Variants in ANKRD28 observed in about 807,000 individuals in gnomAD.
ANKRD28 encodes the protein ankyrin repeat domain 28, also known as serine/threonine-protein phosphatase 6 regulatory ankyrin repeat subunit A.
In ANKRD28, 44 loss-of-function variants were observed where a neutral mutation model predicts 126.5. The observed-to-expected ratio is 0.35, with a 90% CI of 0.27 to 0.45. The LOEUF is 0.45. ANKRD28 is among the 20% of genes least tolerant of loss of function. ANKRD28 has a pLI of 1.00. For synonymous variants in ANKRD28, 442 were observed against 468.5 expected, an observed-to-expected ratio of 0.94 and a Z score of 0.73; for missense variants, 1,110 against 1,316.6, an observed-to-expected ratio of 0.84 and a Z score of 2.43.
At chr3:15,764,282 G>A (rs1362684199) in intron 3 of ANKRD28, among the ~76,000 whole-genome samples, 1 of 152,096 alleles carries the variant, frequency 6.6e-6, no homozygotes, top group Non-Finnish European at 1.5e-5. Flanking sequence ...CAAGTATCAT[G>A]GTTAATTTTA....
intron 1 of ANKRD28, among the ~76,000 whole-genome samples, chr3:15,810,771 C>T (rs2060695966): frequency 6.6e-6 from 1 of 150,504 alleles, no homozygotes; most frequent in Admixed American, 6.6e-5. Flanking sequence ...AAAATCACAA[C>T]TTTATAGGTA....
At position 15,797,841 on chromosome 3, in the gene ANKRD28, T is replaced by C. The variant is rs2060347124; in HGVS notation, c.-1320A>G. ...CCACTGACATCCCCAAATGAGTAGGTCCTTAAAAAATATCTATAGAACCTC... is the reference window on the plus strand; with the variant it reads ...CCACTGACATCCCCAAATGAGTAGGCCCTTAAAAAATATCTATAGAACCTC... On this transcript the variant is annotated 5_prime_UTR_variant, in exon 1 of 28. Transcript: ENST00000683139. The C allele has an allele frequency of 1.0e-6, 1 of 985,260 alleles. No homozygotes were observed. The highest frequency in any genetic ancestry group is 4.7e-5 in the South Asian group (1 of 21,292). 61.0% of individuals were successfully genotyped at this position (985,260 alleles called of 1,614,324 possible). A position where few individuals can be genotyped will look rare whatever the true frequency, so the allele number is the denominator to read the frequency against.
rs1414075759 is a variant in ANKRD28, at chr3:15,767,381, ATAGT to A, written c.202-1073_202-1070del. 2.0e-5 allele frequency among the ~76,000 whole-genome samples: 3 copies of A among 152,262 alleles called. No homozygotes were observed. The South Asian group carries it at 6.2e-4, about 32-fold the overall frequency. On this transcript the variant is annotated intron_variant, in intron 2 of 27. Coordinates refer to ENST00000683139, the MANE Select transcript of ANKRD28 (RefSeq NM_001349278.2). ...TTTTTGATAAAGGCTTTTGTGACAG[ATAGT>A]TAGTTGTTTTCCACTATGTTCTTCC...
At chr3:15,859,313 C>T (rs2061853039) in intron 1 of ANKRD28, 1 of 1,510,350 alleles carries the variant, frequency 6.6e-7, no homozygotes, top group East Asian at 2.7e-5. Context: ...GCCCACACCG[C>T]CGGTCCGCCC....
At chr3:15,775,743 C>A (rs2059232976) in intron 2 of ANKRD28, among the ~76,000 whole-genome samples, 1 of 152,194 alleles carries the variant, frequency 6.6e-6, no homozygotes, top group South Asian at 2.1e-4. Flanking sequence ...CGTGCAACTT[C>A]CATTCCCTCT....
intron 5 of ANKRD28, among the ~76,000 whole-genome samples, chr3:15,736,680 T>C (rs1316093522): frequency 6.6e-6 from 1 of 152,244 alleles, no homozygotes; most frequent in Non-Finnish European, 1.5e-5. Flanking sequence ...GTTAATAAAC[T>C]ACTAAAAAGC....
intron 4 of ANKRD28, among the ~76,000 whole-genome samples, chr3:15,750,045 T>G (rs1424255578): frequency 2.6e-5 from 4 of 152,270 alleles, no homozygotes; most frequent in African/African-American, 9.6e-5. Context: ...AAATTCAGGC[T>G]GAGCACATAG....
chr3:15,674,397 A>G (rs970262744), intron 27 of ANKRD28, among the ~76,000 whole-genome samples: 13 of 41,972 alleles, frequency 3.1e-4, no homozygotes, highest in African/African-American at 9.6e-4. Flanking sequence ...GCCCTGAGCC[A>G]CTGTTAAGAA....
intron 4 of ANKRD28, among the ~76,000 whole-genome samples, chr3:15,749,553 G>C (rs183606481): frequency 6.6e-6 from 1 of 152,156 alleles, no homozygotes; most frequent in Admixed American, 6.5e-5. Context: ...GGTATATTTT[G>C]GGGGTGTTAA....
intron 1 of ANKRD28, among the ~76,000 whole-genome samples, chr3:15,807,519 T>G (rs1225446806): frequency 6.6e-6 from 1 of 152,202 alleles, no homozygotes; most frequent in Admixed American, 6.5e-5. Context: ...AAATACACCT[T>G]AATTTTGACC....
rs140097067 is a variant in ANKRD28 at position 15,820,128 on chromosome 3, C to G, written c.28-24822G>C. On this transcript the variant is annotated intron_variant, in intron 1 of 27. Transcript: ENST00000399451. ...GAAACATGATGAATCAAGTTGACAACATTTGTACAGACTGGTATTATCACT... is the reference window on the plus strand; with the variant it reads ...GAAACATGATGAATCAAGTTGACAAGATTTGTACAGACTGGTATTATCACT... 2.7e-3 allele frequency among the ~76,000 whole-genome samples: 408 copies of G among 152,270 alleles called. 6 individuals carry two copies. Among genetic ancestry groups the G allele is most frequent in the East Asian group, 0.021 (107 of 5,184 alleles).
exon 1 of ANKRD28, chr3:15,859,434 C>T: frequency 1.3e-6 from 2 of 1,512,832 alleles, no homozygotes; most frequent in Non-Finnish European, 8.8e-7. Context: ...CTCCAGCCTC[C>T]TCCTCCTCCG....
At chr3:15,698,647 C>T (rs1158842680) in intron 14 of ANKRD28, among the ~76,000 whole-genome samples, 2 of 152,114 alleles carry the variant, frequency 1.3e-5, no homozygotes, top group African/African-American at 2.4e-5. Flanking sequence ...ACAACTGCTA[C>T]AAAGAGAGTA....
chr3:15,831,932 T>G (rs972393535), intron 1 of ANKRD28, among the ~76,000 whole-genome samples: 4 of 152,202 alleles, frequency 2.6e-5, no homozygotes, highest in African/African-American at 9.7e-5. Flanking sequence ...TTCTTCAACC[T>G]TGGGAGTATA....
At chr3:15,785,696 G>A (rs1220459411) in intron 2 of ANKRD28, among the ~76,000 whole-genome samples, 2 of 150,868 alleles carry the variant, frequency 1.3e-5, no homozygotes, top group Non-Finnish European at 3.0e-5. Context: ...CTGCAATCAT[G>A]TTATTTGATT....
intron 14 of ANKRD28, among the ~76,000 whole-genome samples, chr3:15,707,003 T>G (rs2071528455): frequency 6.6e-6 from 1 of 152,228 alleles, no homozygotes; most frequent in Non-Finnish European, 1.5e-5. Context: ...AAAATGGTTT[T>G]GAAATTAAAG....
chr3:15,852,634 C>A (rs2061677733), intron 1 of ANKRD28, among the ~76,000 whole-genome samples: 1 of 151,594 alleles, frequency 6.6e-6, no homozygotes, highest in African/African-American at 2.4e-5. Context: ...GAGATCGAGA[C>A]CATCCTGGCT....
chr3:15,676,221 T>A, intron 26 of ANKRD28: 1 of 393,138 alleles, frequency 2.5e-6, no homozygotes, highest in Middle Eastern at 4.9e-4. Context: ...ATAGGTCCCA[T>A]CGACAGGTCC....
chr3:15,847,167 A>G lies in ANKRD28; in HGVS notation c.27+12210T>C, dbSNP rs547103643. On this transcript the variant is annotated intron_variant, in intron 1 of 27. Coordinates refer to the ANKRD28 transcript ENST00000399451. ...GATGTATGCTCCAAAGTTAGGAAACAGTGGCTTAGAAAGTAAAGAACTTGG... is the reference window on the plus strand; with the variant it reads ...GATGTATGCTCCAAAGTTAGGAAACGGTGGCTTAGAAAGTAAAGAACTTGG... 8.5e-4 allele frequency among the ~76,000 whole-genome samples: 130 copies of G among 152,354 alleles called. 1 individual carries two copies. The highest frequency in any genetic ancestry group is 2.9e-3 in the African/African-American group (122 of 41,570).
Sources: allele counts gnomAD v4.1 joint callset (sites outside exome capture counted in the v4.1 genomes callset), GRCh38; gene constraint gnomAD v4.1.1; transcripts MANE v1.5; gene names NCBI Gene and HGNC (gene_info 2026-07-23, HGNC 2026-07-21).